LRP1B: variants seen among roughly 807,000 people sequenced by gnomAD.
LRP1B encodes the protein low-density lipoprotein receptor-related protein 1B.
In LRP1B, 217 loss-of-function variants were observed where a neutral mutation model predicts 556.6. That is an observed-to-expected ratio of 0.39 (90% confidence interval 0.35 to 0.44). LRP1B has a LOEUF of 0.44. Ranked by LOEUF, LRP1B falls within the 20% of genes least tolerant of loss-of-function variation. LRP1B has a pLI of 1.00. For synonymous variants in LRP1B, 2,047 were observed against 1,865.8 expected (o/e 1.10, Z -2.50); for missense variants, 5,053 against 5,620.8 (o/e 0.90, Z 3.23).
chr2:140,465,168 G>A lies in LRP1B; in HGVS notation c.9626-7517C>T, dbSNP rs140095555. Among the ~76,000 whole-genome samples the A allele has an allele frequency of 3.1e-3, 466 of 152,156 alleles. 4 individuals are homozygous for A. The highest frequency in any genetic ancestry group is 4.5e-3 in the Non-Finnish European group (304 of 68,010). ...AGAAGGGGGACCAGACACATCACAT[G>A]GCAAAACAGGAGCAAGATGCACGTG... On this transcript the variant is annotated intron_variant, in intron 60 of 90. Coordinates refer to ENST00000389484, the MANE Select transcript of LRP1B (RefSeq NM_018557.3).
intron 82 of LRP1B, among the ~76,000 whole-genome samples, chr2:140,321,241 TTTTATTTTTTG>T (rs1163397209): frequency 6.6e-6 from 1 of 152,008 alleles, no homozygotes. Context: ...TTTGTGTTTT[TTTTATTTTTTG>T]TTATTTAATA....
At chr2:140,328,604 C>T (rs1286105049) in intron 79 of LRP1B, among the ~76,000 whole-genome samples, 1 of 151,974 alleles carries the variant, frequency 6.6e-6, no homozygotes, top group East Asian at 1.9e-4. Flanking sequence ...TATATCCATT[C>T]TGTTTTAATG....
chr2:141,503,338 C>T (rs192569757), intron 2 of LRP1B, among the ~76,000 whole-genome samples: 90 of 149,912 alleles, frequency 6.0e-4, no homozygotes, highest in African/African-American at 2.1e-3. Context: ...TCCAGGAAAC[C>T]TGGACCCAGT....
chr2:140,330,951 A>C (rs1680777946), intron 79 of LRP1B, among the ~76,000 whole-genome samples: 1 of 152,104 alleles, frequency 6.6e-6, no homozygotes. Flanking sequence ...TGGCCAACAA[A>C]CATATGAAAA....
In LRP1B at chr2:140,358,044, A is replaced by G; in HGVS notation, c.11330T>C (p.Met3777Thr). Residue 3777 changes from methionine to threonine, a missense_variant, in exon 74 of 91, where the codon ATG becomes ACG. Transcript: ENST00000389484. Reference sequence around the variant, plus strand: ...ATCAAGTCGATCACACTGGAGATCCATAGGGATGCATTTTTTATTACTACA... The same window carrying G: ...ATCAAGTCGATCACACTGGAGATCCGTAGGGATGCATTTTTTATTACTACA... Reference protein sequence around the residue: ...FACSNKKCIPMDLQCDRLDDC... With the variant: ...FACSNKKCIPTDLQCDRLDDC... 1 of 1,611,602 alleles carries G rather than the reference A, an allele frequency of 6.2e-7. No homozygotes were observed. The highest frequency in any genetic ancestry group is 8.5e-7 in the Non-Finnish European group (1 of 1,178,390).
chr2:142,034,426 T>G (rs938442536), intron 1 of LRP1B, among the ~76,000 whole-genome samples: 4 of 151,790 alleles, frequency 2.6e-5, no homozygotes, highest in African/African-American at 9.7e-5. Flanking sequence ...TACATGTGTT[T>G]GCTTGCACTG....
intron 3 of LRP1B, among the ~76,000 whole-genome samples, chr2:141,300,374 A>G (rs942351372): frequency 6.6e-6 from 1 of 152,180 alleles, no homozygotes; most frequent in Admixed American, 6.6e-5. Flanking sequence ...TGGGTTGAGC[A>G]TTGGATATAA....
intron 6 of LRP1B, among the ~76,000 whole-genome samples, chr2:141,199,602 T>A (rs1681911580): frequency 6.6e-6 from 1 of 152,158 alleles, no homozygotes; most frequent in African/African-American, 2.4e-5. Context: ...GAAAGCTCCT[T>A]AAGTCTTGAT....
At chr2:140,818,860 C>G (rs556179338) in intron 31 of LRP1B, among the ~76,000 whole-genome samples, 1 of 149,260 alleles carries the variant, frequency 6.7e-6, no homozygotes, top group Non-Finnish European at 1.5e-5. Context: ...TCGCTTGAAC[C>G]CAGGAGGTAG....
chr2:140,388,064 G>A (rs1214935328), intron 66 of LRP1B, among the ~76,000 whole-genome samples: 1 of 151,782 alleles, frequency 6.6e-6, no homozygotes, highest in African/African-American at 2.4e-5. Flanking sequence ...AGCCTCCCGA[G>A]TAGCTGGGAT....
chr2:140,472,935 A>G (rs557887713), intron 60 of LRP1B, among the ~76,000 whole-genome samples: 5 of 152,200 alleles, frequency 3.3e-5, no homozygotes, highest in African/African-American at 1.2e-4. Context: ...ATAATAAATG[A>G]GAAAAATAAT....
intron 7 of LRP1B, among the ~76,000 whole-genome samples, chr2:141,102,628 A>T (rs978853980): frequency 1.5e-4 from 23 of 152,080 alleles, no homozygotes; most frequent in Non-Finnish European, 3.4e-4. Flanking sequence ...AAAAATATTT[A>T]AAAAGGCACA....
At chr2:141,014,955 G>T (rs1697860037) in intron 13 of LRP1B, among the ~76,000 whole-genome samples, 1 of 152,070 alleles carries the variant, frequency 6.6e-6, no homozygotes, top group Non-Finnish European at 1.5e-5. Context: ...AGCCAAATGT[G>T]CAGGTTTTCT....
chr2:140,372,477 G>A (rs1159092382), intron 69 of LRP1B, among the ~76,000 whole-genome samples: 1 of 152,004 alleles, frequency 6.6e-6, no homozygotes, highest in African/African-American at 2.4e-5. Flanking sequence ...AAAAAATGAA[G>A]TGTTTTAATG....
chr2:142,008,800 T>A (rs1574588231), intron 1 of LRP1B, among the ~76,000 whole-genome samples: 1 of 152,138 alleles, frequency 6.6e-6, no homozygotes, highest in Non-Finnish European at 1.5e-5. Context: ...CTGCCTTACA[T>A]GTTATATGTA....
chr2:140,695,801 T>G (rs554814535), intron 41 of LRP1B, among the ~76,000 whole-genome samples: 1 of 152,192 alleles, frequency 6.6e-6, no homozygotes, highest in African/African-American at 2.4e-5. Flanking sequence ...GAAGACATTT[T>G]CATCCTTATT....
chr2:140,945,320 C>G (rs1695509833), intron 20 of LRP1B, among the ~76,000 whole-genome samples: 1 of 152,126 alleles, frequency 6.6e-6, no homozygotes, highest in South Asian at 2.1e-4. Flanking sequence ...AACACCATTC[C>G]TATCAAAACA....
chr2:141,796,305 C>T (rs1260785796), intron 2 of LRP1B, among the ~76,000 whole-genome samples: 1 of 152,000 alleles, frequency 6.6e-6, no homozygotes, highest in Admixed American at 6.6e-5. Flanking sequence ...ATTCAACATT[C>T]ATACCTTCAA....
At position 140,539,101 on chromosome 2, in the gene LRP1B, C is replaced by A. The variant is rs574572264; in HGVS notation, c.7513+1872G>T. ...CTGTATCTATTTCTTTTATGGATTA[C>A]AATAAGATTAGCAATGTTGTAAGCA... On this transcript the variant is annotated intron_variant, in intron 45 of 90. Transcript: ENST00000389484. 1.2e-3 allele frequency among the ~76,000 whole-genome samples: 189 copies of A among 152,202 alleles called. 2 individuals carry two copies. In the Middle Eastern group the frequency reaches 0.031, roughly 25 times the overall value.
Sources: allele counts gnomAD v4.1 joint callset (sites outside exome capture counted in the v4.1 genomes callset), GRCh38; gene constraint gnomAD v4.1.1; transcripts MANE v1.5; gene names NCBI Gene and HGNC (gene_info 2026-07-23, HGNC 2026-07-21).